TATDN1: variants seen among roughly 807,000 people sequenced by gnomAD.
The protein encoded by TATDN1 is TatD DNase domain containing 1.
A neutral mutation model predicts 46.4 loss-of-function variants in TATDN1; 40 were observed. The ratio of observed to expected loss-of-function variants is 0.86; its 90% CI spans 0.67 to 1.12. The LOEUF is 1.12. Ranked by LOEUF, TATDN1 falls within the 50% of genes most tolerant of loss-of-function variation. The pLI is 0.00. For missense variants in TATDN1, 326 were observed against 348.4 expected, an observed-to-expected ratio of 0.94 and a Z score of 0.51; for synonymous variants, 95 against 105.6, an observed-to-expected ratio of 0.90 and a Z score of 0.62.
chr8:124,527,833 C>T (rs1267837347), intron 1 of TATDN1, among the ~76,000 whole-genome samples: 1 of 150,780 alleles, frequency 6.6e-6, no homozygotes, highest in African/African-American at 2.4e-5. Flanking sequence ...AATTGGACAT[C>T]CTAGATCAAC....
intron 1 of TATDN1, among the ~76,000 whole-genome samples, chr8:124,537,542 T>G (rs1275671318): frequency 6.6e-6 from 1 of 152,152 alleles, no homozygotes; most frequent in African/African-American, 2.4e-5. Context: ...AAAGAAACAT[T>G]TAGCTGATTT....
intron 9 of TATDN1, among the ~76,000 whole-genome samples, chr8:124,502,193 T>A (rs1195002453): frequency 6.6e-6 from 1 of 151,632 alleles, no homozygotes. Flanking sequence ...ACAAAAAAAA[T>A]AGCCAGGTGT....
chr8:124,502,340 C>CAAA (rs1278936566), intron 9 of TATDN1, among the ~76,000 whole-genome samples: 2 of 64,690 alleles, frequency 3.1e-5, no homozygotes, highest in Non-Finnish European at 3.2e-5. Context: ...GAGTCCCTCT[C>CAAA]AAAAAAAAAA....
At position 124,511,825 on chromosome 8, in the gene TATDN1, A is replaced by G. The variant is rs28446984; in HGVS notation, c.390-3137T>C. 2.7e-3 allele frequency among the ~76,000 whole-genome samples: 412 copies of G among 152,288 alleles called. 4 individuals are homozygous for G. The highest frequency in any genetic ancestry group is 8.9e-3 in the African/African-American group (371 of 41,566). On this transcript the variant is annotated intron_variant, in intron 6 of 11. Transcript: ENST00000276692. Reference sequence around the variant, plus strand: ...TGTAACAACAGCCATGATTGTGCACATACTCTGCATGACTCATGTCACTAT... The same window carrying G: ...TGTAACAACAGCCATGATTGTGCACGTACTCTGCATGACTCATGTCACTAT...
At chr8:124,505,046 C>T (rs878864156) in intron 8 of TATDN1, among the ~76,000 whole-genome samples, 7 of 151,098 alleles carry the variant, frequency 4.6e-5, no homozygotes, top group Non-Finnish European at 1.0e-4. Flanking sequence ...TGAGCCACCG[C>T]GCCTGGCCGA....
intron 3 of TATDN1, among the ~76,000 whole-genome samples, chr8:124,519,484 C>T (rs1819842618): frequency 6.6e-6 from 1 of 152,134 alleles, no homozygotes; most frequent in South Asian, 2.1e-4. Flanking sequence ...CAACTGTACT[C>T]ATGTTGCTAA....
Position 124,538,908 on chromosome 8 carries a change from G to A in TATDN1, c.22+117C>T, listed in dbSNP as rs1198578413. ...ACCTCCCCGCGCCCTCCTCCACTGA[G>A]CGGCCCTTTCAACCCTTACAATGCC... On this transcript the variant is annotated intron_variant, in intron 1 of 11. Coordinates refer to ENST00000276692, the MANE Select transcript of TATDN1 (RefSeq NM_032026.4). The A allele has an allele frequency of 2.5e-6, 3 of 1,223,156 alleles. No homozygotes were observed. In the Admixed American group the frequency reaches 5.8e-5, roughly 24 times the overall value. 75.8% of individuals were successfully genotyped at this position (1,223,156 alleles called of 1,614,324 possible). A position where few individuals can be genotyped will look rare whatever the true frequency, so the allele number is the denominator to read the frequency against.
At chr8:124,504,407 A>G in intron 8 of TATDN1, 60 bp from the exon 9 acceptor site, 1 of 1,259,522 alleles carries the variant, frequency 7.9e-7, no homozygotes, top group Non-Finnish European at 1.1e-6. Flanking sequence ...ATTCTAAGTG[A>G]CATTAATAAG....
chr8:124,525,620 T>C (rs1225920821), intron 1 of TATDN1, among the ~76,000 whole-genome samples: 1 of 152,204 alleles, frequency 6.6e-6, no homozygotes, highest in Non-Finnish European at 1.5e-5. Context: ...TGAAAGCATT[T>C]TGCAAATTAA....
At chr8:124,510,304 A>C (rs1218416816) in intron 6 of TATDN1, among the ~76,000 whole-genome samples, 1 of 152,202 alleles carries the variant, frequency 6.6e-6, no homozygotes, top group Non-Finnish European at 1.5e-5. Context: ...TCAGCAGTTA[A>C]GTGTGCACTA....
Position 124,526,170 on chromosome 8 carries a change from G to A in TATDN1, c.23-3168C>T, listed in dbSNP as rs143881972. 1.4e-4 allele frequency among the ~76,000 whole-genome samples: 22 copies of A among 152,178 alleles called. No individual in the cohort carries two copies. The South Asian group carries it at 3.1e-3, about 21-fold the overall frequency. On this transcript the variant is annotated intron_variant, in intron 1 of 11. Coordinates refer to ENST00000276692, the MANE Select transcript of TATDN1 (RefSeq NM_032026.4). ...TCCCTGATTAACCATTTTTGTAACC[G>A]CGCCCCACCTTTTGATTTGTCCTTT... is the stretch of plus-strand genomic sequence containing the variant.
At chr8:124,511,285 G>A (rs985519624) in intron 6 of TATDN1, among the ~76,000 whole-genome samples, 1 of 152,134 alleles carries the variant, frequency 6.6e-6, no homozygotes, top group African/African-American at 2.4e-5. Context: ...TTAGGATCAA[G>A]GCAAATCCAA....
At position 124,539,050 on chromosome 8, in the gene TATDN1, T is replaced by C. The variant is rs372123405; in HGVS notation, c.-4A>G. On this transcript the variant is annotated 5_prime_UTR_variant, in exon 1 of 12. Transcript: ENST00000276692. ...CGATAAACTTGAAGCGACTCATGACTGCGCATGGAGGACCTCCCCAGCGGA... is the reference window on the plus strand; with the variant it reads ...CGATAAACTTGAAGCGACTCATGACCGCGCATGGAGGACCTCCCCAGCGGA... The C allele has an allele frequency of 1.9e-6, 3 of 1,613,050 alleles. No individual in the cohort carries two copies. The highest frequency in any genetic ancestry group is 1.7e-6 in the Non-Finnish European group (2 of 1,179,050).
At position 124,539,071 on chromosome 8, in the gene TATDN1, G is replaced by A. The variant is rs138684282; in HGVS notation, c.-25C>T. ...TGACTGCGCATGGAGGACCTCCCCA[G>A]CGGAAGCGGAAGTGGCCGCCGGCAA... On this transcript the variant is annotated 5_prime_UTR_variant, in exon 1 of 12. Coordinates refer to ENST00000276692, the MANE Select transcript of TATDN1 (RefSeq NM_032026.4). 12,322 of 1,611,986 alleles carry A rather than the reference G, an allele frequency of 7.6e-3. 53 individuals are homozygous for A. The highest frequency in any genetic ancestry group is 9.6e-3 in the Middle Eastern group (58 of 6,052).
At position 124,500,681 on chromosome 8, in the gene TATDN1, CA is replaced by C. The variant is rs753888537; in HGVS notation, c.593+3589del. On this transcript the variant is annotated intron_variant, in intron 9 of 11. Transcript: ENST00000276692. ...TGAGAGGCAGAGTGAGACCCTGTCT[CA>C]AAAAAAAAAAACAACAACTAAGAAT... is the stretch of plus-strand genomic sequence containing the variant. Among the ~76,000 whole-genome samples, 103 of 99,554 alleles carry C rather than the reference CA, an allele frequency of 1.0e-3. No individual in the cohort carries two copies. The East Asian group carries it at 0.012, about 11-fold the overall frequency. 65.3% of individuals were successfully genotyped at this position (99,554 alleles called of 152,430 possible). A position where few individuals can be genotyped will look rare whatever the true frequency, so the allele number is the denominator to read the frequency against.
intron 1 of TATDN1, among the ~76,000 whole-genome samples, chr8:124,531,585 G>A (rs1820962815): frequency 6.6e-6 from 1 of 152,176 alleles, no homozygotes; most frequent in Non-Finnish European, 1.5e-5. Flanking sequence ...CATAGCTGTT[G>A]CTTGTTTACA....
At chr8:124,517,433 A>AAG (rs1230969819) in intron 4 of TATDN1, among the ~76,000 whole-genome samples, 1 of 152,096 alleles carries the variant, frequency 6.6e-6, no homozygotes, top group Non-Finnish European at 1.5e-5. Flanking sequence ...CTCAAAAAAA[A>AAG]AAAAAAAAAG....
intron 11 of TATDN1, among the ~76,000 whole-genome samples, chr8:124,492,075 A>G (rs1563640131): frequency 2.6e-5 from 4 of 151,954 alleles, no homozygotes. Flanking sequence ...CCCAGGTTCA[A>G]GCGATTCTCC....
rs1819780265 is a variant in TATDN1, at chr8:124,518,844, T to A, written c.176A>T (p.Asp59Val). 1 of 1,611,804 alleles carries A rather than the reference T, an allele frequency of 6.2e-7. No individual in the cohort carries two copies. The highest frequency in any genetic ancestry group is 8.5e-7 in the Non-Finnish European group (1 of 1,178,496). ...ITGGNLQDSK[D>V]ALHLAQTNGM... The stretch of plus-strand genomic sequence containing the variant: ...ATTTGTTTGTGCCAAATGCAGTGCA[T>A]CTTTACTGTCTTGTAGATTTCCACC... The change falls in exon 4 of 12, where the codon GAT (aspartate) becomes GTT (valine). Residue 59 changes from aspartate (D) to valine (V), a missense_variant. By Grantham distance (152) the Asp-to-Val change is radical. Coordinates refer to ENST00000276692, the MANE Select transcript of TATDN1 (RefSeq NM_032026.4).
Sources: allele counts gnomAD v4.1 joint callset (sites outside exome capture counted in the v4.1 genomes callset), GRCh38; gene constraint gnomAD v4.1.1; transcripts MANE v1.5; gene names NCBI Gene and HGNC (gene_info 2026-07-23, HGNC 2026-07-21).